The following NF1 variants were observed in gnomAD, a reference collection of about 807,000 sequenced individuals.
The protein encoded by NF1 is neurofibromin 1.
A neutral mutation model predicts 325.7 loss-of-function variants in NF1; 122 were observed. That is an observed-to-expected ratio of 0.37 (90% CI 0.32 to 0.44). The LOEUF (loss-of-function observed/expected upper bound fraction) is 0.44. Ranked by LOEUF, NF1 falls within the 20% of genes least tolerant of loss-of-function variation. The probability of loss-of-function intolerance (pLI) is 1.00; values close to 1 mark genes in which losing one functional copy is unlikely to be tolerated. For missense variants in NF1, 2,140 were observed against 3,415.4 expected, an observed-to-expected ratio of 0.63 and a Z score of 9.31; for synonymous variants, 1,091 against 1,186.0, an observed-to-expected ratio of 0.92 and a Z score of 1.65.
intron 1 of NF1, among the ~76,000 whole-genome samples, chr17:31,153,348 C>CATG (rs1288503920): frequency 6.6e-6 from 1 of 152,184 alleles, no homozygotes; most frequent in Non-Finnish European, 1.5e-5. Context: ...GGGCATTGCC[C>CATG]ATGTAGAGCA....
chr17:31,223,705 A>T (rs545459150), intron 16 of NF1, 138 bp downstream of exon 16: 12 of 800,692 alleles, frequency 1.5e-5, no homozygotes, highest in African/African-American at 5.2e-5. Flanking sequence ...GGAAATATGT[A>T]TGCAGAGGAC....
At chr17:31,365,921 G>A (rs2070508798) in intron 57 of NF1, among the ~76,000 whole-genome samples, 1 of 151,172 alleles carries the variant, frequency 6.6e-6, no homozygotes, top group Admixed American at 6.6e-5. Context: ...AAGTAAATTC[G>A]TGATCTATTT....
chr17:31,191,954 G>A (rs2066349638), intron 8 of NF1, among the ~76,000 whole-genome samples: 1 of 152,074 alleles, frequency 6.6e-6, no homozygotes, highest in Admixed American at 6.5e-5. Flanking sequence ...ATTCTGTTAT[G>A]TTGCTTCCAG....
chr17:31,284,919 G>A (rs1006055505), intron 36 of NF1, among the ~76,000 whole-genome samples: 12 of 152,018 alleles, frequency 7.9e-5, no homozygotes, highest in African/African-American at 2.4e-4. Flanking sequence ...TCAGGAGTTC[G>A]TGACCAGCCT....
chr17:31,131,677 A>G (rs965427090), intron 1 of NF1, among the ~76,000 whole-genome samples: 5 of 152,308 alleles, frequency 3.3e-5, no homozygotes, highest in South Asian at 2.1e-4. Flanking sequence ...AAATGTATAA[A>G]TTTAACAAAT....
chr17:31,368,689 A>G (rs1051202185), intron 57 of NF1, among the ~76,000 whole-genome samples: 7 of 152,198 alleles, frequency 4.6e-5, no homozygotes, highest in African/African-American at 1.7e-4. Context: ...TTCAGATATT[A>G]GGAGCATCTT....
chr17:31,219,354 A>G, intron 14 of NF1: 1 of 244,938 alleles, frequency 4.1e-6, no homozygotes. Flanking sequence ...ATAGTTCGAG[A>G]TTTTCTAATT....
In NF1 at chr17:31,246,925, G is replaced by C. The variant is rs565469447; in HGVS notation, c.3975-2059G>C. 7.9e-5 allele frequency among the ~76,000 whole-genome samples: 12 copies of C among 152,224 alleles called. 1 individual carries two copies. In the South Asian group the frequency reaches 2.3e-3, roughly 29 times the overall value. The stretch of plus-strand genomic sequence containing the variant: ...GAGTTAGCAACACTGGGCCGGGCAC[G>C]GTGGCTCATGACCGTAATCCCAGCA... On this transcript the variant is annotated intron_variant, in intron 29 of 57. Transcript: ENST00000358273.
At chr17:31,107,197 A>T in intron 1 of NF1, among the ~76,000 whole-genome samples, 1 of 152,004 alleles carries the variant, frequency 6.6e-6, no homozygotes, top group East Asian at 1.9e-4. Context: ...TTTATGCTCC[A>T]TGTGAGTCTT....
intron 1 of NF1, chr17:31,137,891 A>G (rs1185794958): frequency 1.3e-5 from 2 of 152,152 alleles, no homozygotes; most frequent in Non-Finnish European, 2.9e-5. Context: ...CTTTTAGTTT[A>G]TCACTGAGAT....
chr17:31,127,540 T>G (rs1164799816), intron 1 of NF1, among the ~76,000 whole-genome samples: 1 of 151,882 alleles, frequency 6.6e-6, no homozygotes, highest in Non-Finnish European at 1.5e-5. Context: ...TTTAAAAAGT[T>G]ATATTTTCTG....
chr17:31,220,848 C>T (rs1434684971), intron 14 of NF1, among the ~76,000 whole-genome samples: 1 of 151,928 alleles, frequency 6.6e-6, no homozygotes, highest in Admixed American at 6.6e-5. Flanking sequence ...GTAAATTGTA[C>T]CACGTTTTTG....
chr17:31,129,965 G>GT (rs1915215212), intron 1 of NF1, among the ~76,000 whole-genome samples: 1 of 151,798 alleles, frequency 6.6e-6, no homozygotes, highest in Non-Finnish European at 1.5e-5. Context: ...TAGTGCAGTC[G>GT]TTTGTTTTAG....
Position 31,302,768 on chromosome 17 carries a change from G to T in NF1, c.4836-23052G>T, listed in dbSNP as rs11652743. Among the ~76,000 whole-genome samples, 40 of 152,146 alleles carry T rather than the reference G, an allele frequency of 2.6e-4. 1 individual carries two copies. The highest frequency in any genetic ancestry group is 9.1e-4 in the African/African-American group (38 of 41,546). ...GCTGAGGCAGGAGAACCCCTTTAACGTGGGAGGCGGAGGTTGCAGTGAGCC... is the reference window on the plus strand; with the variant it reads ...GCTGAGGCAGGAGAACCCCTTTAACTTGGGAGGCGGAGGTTGCAGTGAGCC... On this transcript the variant is annotated intron_variant, in intron 36 of 57. Coordinates refer to ENST00000358273, the MANE Select transcript of NF1 (RefSeq NM_001042492.3).
intron 1 of NF1, among the ~76,000 whole-genome samples, chr17:31,114,213 G>C (rs1295069117): frequency 2.6e-5 from 4 of 152,136 alleles, no homozygotes; most frequent in Non-Finnish European, 5.9e-5. Context: ...TACTTCTGCT[G>C]TACATTCCAT....
chr17:31,158,909 A>G, intron 2 of NF1, 101 bp from the exon 3 acceptor site: 4 of 718,586 alleles, frequency 5.6e-6, no homozygotes, highest in Non-Finnish European at 7.6e-6. Flanking sequence ...GGTAAAATGG[A>G]AGACTATTGT....
intron 1 of NF1, among the ~76,000 whole-genome samples, chr17:31,117,465 G>C (rs1342573411): frequency 2.7e-5 from 4 of 150,654 alleles, no homozygotes; most frequent in Non-Finnish European, 1.5e-5. Context: ...GAGGTCAGGA[G>C]ATCAAGACCA....
intron 1 of NF1, among the ~76,000 whole-genome samples, chr17:31,105,503 C>T (rs1912778688): frequency 6.6e-6 from 1 of 151,884 alleles, no homozygotes. Flanking sequence ...TGTCTTATTC[C>T]ATTGAACTTC....
At chr17:31,138,934 C>T (rs1215162330) in intron 1 of NF1, among the ~76,000 whole-genome samples, 1 of 151,932 alleles carries the variant, frequency 6.6e-6, no homozygotes, top group Non-Finnish European at 1.5e-5. Context: ...TCTTCTCATT[C>T]TTCATTATCT....
Sources: allele counts gnomAD v4.1 joint callset (sites outside exome capture counted in the v4.1 genomes callset), GRCh38; gene constraint gnomAD v4.1.1; transcripts MANE v1.5; gene names NCBI Gene and HGNC (gene_info 2026-07-23, HGNC 2026-07-21).